Variants in ACOT1 observed in about 807,000 individuals in gnomAD.
ACOT1 encodes the protein acyl-coenzyme A thioesterase 1.
Under a neutral mutation model 15.7 loss-of-function variants are expected in ACOT1, and 8 were observed. The ratio of observed to expected loss-of-function variants is 0.51; its 90% CI spans 0.30 to 0.92. ACOT1 has a LOEUF of 0.92. Among genes scored for constraint, ACOT1 ranks in the 40% least tolerant of loss-of-function variants. ACOT1 has a pLI of 0.06. For synonymous variants in ACOT1, 67 were observed against 241.2 expected, an observed-to-expected ratio of 0.28 and a Z score of 6.69; for missense variants, 151 against 539.4, an observed-to-expected ratio of 0.28 and a Z score of 7.13.
the ACOT1 span, among the ~76,000 whole-genome samples, chr14:73,523,766 T>G: frequency 6.6e-6 from 1 of 152,198 alleles, no homozygotes; most frequent in Non-Finnish European, 1.5e-5. Context: ...CAGCTCAATT[T>G]GTGCTGCTCC....
the ACOT1 span, chr14:73,491,556 C>A: frequency 2.0e-6 from 3 of 1,538,356 alleles, no homozygotes; most frequent in East Asian, 2.4e-5. Flanking sequence ...GGGGAGCCGG[C>A]CTGGGACTCC....
the ACOT1 span, among the ~76,000 whole-genome samples, chr14:73,501,814 C>T: frequency 2.0e-5 from 3 of 151,796 alleles, no homozygotes; most frequent in South Asian, 2.1e-4. Flanking sequence ...AGTACAGTGG[C>T]GTGATCTCCG....
At chr14:73,511,218 T>C in the ACOT1 span, among the ~76,000 whole-genome samples, 3 of 152,048 alleles carry the variant, frequency 2.0e-5, no homozygotes, top group African/African-American at 4.8e-5. Flanking sequence ...CCGTGAATCA[T>C]ATTTTAAGAT....
the ACOT1 span, among the ~76,000 whole-genome samples, chr14:73,499,904 C>T: frequency 6.6e-5 from 10 of 152,234 alleles, no homozygotes; most frequent in East Asian, 9.7e-4. Flanking sequence ...ACTTGGAATG[C>T]GGCCCAACAC....
At chr14:73,510,492 A>ATGGCACAATCT in the ACOT1 span, among the ~76,000 whole-genome samples, 2 of 151,808 alleles carry the variant, frequency 1.3e-5, no homozygotes, top group African/African-American at 4.8e-5. Flanking sequence ...CTGGAGTACA[A>ATGGCACAATCT]TGGCACAATC....
At chr14:73,516,147 CAAAAAAAAA>C in the ACOT1 span, among the ~76,000 whole-genome samples, 2 of 9,156 alleles carry the variant, frequency 2.2e-4, 1 homozygote, top group Admixed American at 2.9e-3. Context: ...CAACAGTCAT[CAAAAAAAAA>C]AAAAAAAAAA....
the ACOT1 span, chr14:73,491,412 TG>T: frequency 7.4e-7 from 1 of 1,346,614 alleles, no homozygotes; most frequent in Non-Finnish European, 9.5e-7. Flanking sequence ...CCCGCGCGCC[TG>T]GTGGAGGTGC....
the ACOT1 span, chr14:73,519,272 G>T: frequency 1.8e-6 from 2 of 1,126,142 alleles, no homozygotes; most frequent in Non-Finnish European, 2.5e-6. Context: ...CCTAATCTAA[G>T]CCCCTAGGAT....
chr14:73,524,851 C>T, the ACOT1 span, among the ~76,000 whole-genome samples: 7 of 151,968 alleles, frequency 4.6e-5, no homozygotes, highest in Non-Finnish European at 8.8e-5. Flanking sequence ...CAACTCCTGC[C>T]CGGTGTCCAA....
upstream of ACOT1, among the ~76,000 whole-genome samples, chr14:73,534,248 A>G (rs1476236510): frequency 4.5e-5 from 5 of 111,428 alleles, 2 homozygotes; most frequent in Non-Finnish European, 9.7e-5. Flanking sequence ...CCGTGGTGGC[A>G]TGTGACTGTA....
the ACOT1 span, among the ~76,000 whole-genome samples, chr14:73,513,728 CAAAAAAAA>C: frequency 1.9e-4 from 9 of 46,776 alleles, no homozygotes; most frequent in African/African-American, 5.3e-4. Context: ...ACTACGTCTC[CAAAAAAAA>C]AAAAAAAAAA....
At chr14:73,502,237 C>A in the ACOT1 span, among the ~76,000 whole-genome samples, 8 of 152,132 alleles carry the variant, frequency 5.3e-5, no homozygotes, top group Admixed American at 4.6e-4. Flanking sequence ...TGGCCTTACT[C>A]CTCTAGCCAC....
chr14:73,492,393 T>G, the ACOT1 span: 1 of 1,613,742 alleles, frequency 6.2e-7, no homozygotes, highest in Non-Finnish European at 8.5e-7. The surrounding 1 kb of genome is among the most constrained non-coding windows in gnomAD (Gnocchi z 4.9). Flanking sequence ...CGAGACTTCA[T>G]GGATTACATG....
At chr14:73,492,591 G>A in the ACOT1 span, 1 of 1,613,784 alleles carries the variant, frequency 6.2e-7, no homozygotes, top group Non-Finnish European at 8.5e-7. The surrounding 1 kb of genome is among the most constrained non-coding windows in gnomAD (Gnocchi z 4.9). Flanking sequence ...AGTGTTTACG[G>A]GCTTCCAATT....
chr14:73,524,293 C>CA, the ACOT1 span, among the ~76,000 whole-genome samples: 197 of 56,624 alleles, frequency 3.5e-3, 3 homozygotes, highest in East Asian at 0.016. Context: ...AACTCCGTCT[C>CA]AAAAAAAAAA....
the ACOT1 span, chr14:73,493,015 T>TC: frequency 4.0e-5 from 63 of 1,572,440 alleles, no homozygotes; most frequent in Non-Finnish European, 4.0e-5. Context: ...TTTTTTTTTT[T>TC]CCTTAAACTC....
chr14:73,491,826 G>A, the ACOT1 span: 3 of 1,606,476 alleles, frequency 1.9e-6, no homozygotes, highest in South Asian at 2.2e-5. Context: ...TACATCAACG[G>A]ACGACGCGAG....
At chr14:73,535,462 CTTCTTTCTTTTTTTTTTTTTTTTT>C (rs1888826642), upstream of ACOT1, among the ~76,000 whole-genome samples, 3 of 59,332 alleles carry the variant, frequency 5.1e-5, no homozygotes, top group Admixed American at 2.5e-4. Context: ...TTTTCTTTTT[CTTCTTTCTTTTTTTTTTTTTTTTT>C]TTTTTTTTTT....
upstream of ACOT1, among the ~76,000 whole-genome samples, chr14:73,536,619 G>A (rs1382267399): frequency 4.4e-5 from 5 of 112,984 alleles, 2 homozygotes; most frequent in Non-Finnish European, 9.6e-5. Context: ...GGCCGGGCGC[G>A]GTGGCTCATC....
Sources: allele counts gnomAD v4.1 joint callset (sites outside exome capture counted in the v4.1 genomes callset), GRCh38; gene constraint gnomAD v4.1.1; non-coding constraint Gnocchi (gnomAD v3.1); transcripts MANE v1.5; gene names NCBI Gene and HGNC (gene_info 2026-07-23, HGNC 2026-07-21).